NTHL1: variants seen among roughly 807,000 people sequenced by gnomAD.
NTHL1 encodes endonuclease III-like protein 1.
A neutral mutation model predicts 32.3 loss-of-function variants in NTHL1; 32 were observed. The ratio of observed to expected loss-of-function variants is 0.99; its 90% CI spans 0.75 to 1.33. The LOEUF (loss-of-function observed/expected upper bound fraction) is 1.33, where lower values mean the gene tolerates loss of function less well. NTHL1 is among the 40% of genes most tolerant of loss of function. The pLI is 0.00. For synonymous variants in NTHL1, 188 were observed against 176.9 expected (o/e 1.06, Z -0.50); for missense variants, 501 against 414.1 (o/e 1.21, Z -1.82).
intron 1 of NTHL1, among the ~76,000 whole-genome samples, 195 bp from the exon 2 acceptor site, chr16:2,046,561 T>C (rs888545715): frequency 6.6e-6 from 1 of 152,174 alleles, no homozygotes; most frequent in African/African-American, 2.4e-5. Flanking sequence ...ACAAGGTCCA[T>C]GTTAGCTCAT....
intron 1 of NTHL1, 50 bp downstream of exon 1, chr16:2,047,659 G>A (rs2084508488): frequency 1.3e-6 from 2 of 1,535,980 alleles, no homozygotes; most frequent in African/African-American, 1.4e-5. Context: ...ACTCCAGCCT[G>A]CAGCCCCTAT....
At chr16:2,047,436 A>AG (rs2084486590) in intron 1 of NTHL1, 4 of 527,862 alleles carry the variant, frequency 7.6e-6, no homozygotes, top group Admixed American at 3.5e-5. Flanking sequence ...TGGAGTGGAG[A>AG]GTCCCGGACA....
chr16:2,040,932 T>C (rs2084260680), intron 4 of NTHL1, among the ~76,000 whole-genome samples: 4 of 152,202 alleles, frequency 2.6e-5, no homozygotes, highest in Non-Finnish European at 4.4e-5. Flanking sequence ...CACCTGCCAC[T>C]GCAGCGGTCA....
rs1241018958 is a variant in NTHL1 at position 2,044,663 on chromosome 16, C to T, written c.492G>A (p.Leu164=). Reference sequence around the variant, plus strand: ...AACCGACGGGGTAGATGAGCTTGCCCAGCGTGGCATCATCTGTCTGCAGGA... The same window carrying T: ...AACCGACGGGGTAGATGAGCTTGCCTAGCGTGGCATCATCTGTCTGCAGGA... ...DSILQTDDAT[L]GKLIYPVGFW... The change falls in exon 3 of 6, where the codon CTG becomes CTA. Residue 164 remains leucine (L), a synonymous_variant. Coordinates refer to ENST00000651570, the MANE Select transcript of NTHL1 (RefSeq NM_002528.7). This position sits in a 1 kb window ranked among gnomAD's most constrained non-coding sequence, Gnocchi z 5.0. The T allele has an allele frequency of 6.2e-7, 1 of 1,609,528 alleles. No homozygotes were observed. The highest frequency in any genetic ancestry group is 1.3e-5 in the African/African-American group (1 of 74,948).
Position 2,046,694 on chromosome 16 carries a change from G to A in NTHL1, c.116-328C>T, listed in dbSNP as rs565611825. ...CCCTTTTAAAAAATCCTGGCCGGCC[G>A]GGCGCGGTGGATCAAGCCTGTAATC... On this transcript the variant is annotated intron_variant, in intron 1 of 5. Coordinates refer to ENST00000651570, the MANE Select transcript of NTHL1 (RefSeq NM_002528.7). Among the ~76,000 whole-genome samples, 11 of 152,218 alleles carry A rather than the reference G, an allele frequency of 7.2e-5. No individual in the cohort carries two copies. In the East Asian group the frequency reaches 1.5e-3, roughly 21 times the overall value.
chr16:2,041,131 C>T (rs1421909048), intron 4 of NTHL1, among the ~76,000 whole-genome samples: 1 of 152,252 alleles, frequency 6.6e-6, no homozygotes, highest in East Asian at 1.9e-4. Context: ...AAAGCCGAGG[C>T]CTGCACCAGC....
Position 2,044,541 on chromosome 16 carries a change from C to CT in NTHL1, c.525+88dup. 6.4e-7 allele frequency: 1 copy of CT among 1,557,024 alleles called. No homozygotes were observed. The highest frequency in any genetic ancestry group is 8.7e-7 in the Non-Finnish European group (1 of 1,144,998). On this transcript the variant is annotated intron_variant, in intron 3 of 5. Coordinates refer to ENST00000651570, the MANE Select transcript of NTHL1 (RefSeq NM_002528.7). The surrounding 1 kb of genome is among the most constrained non-coding windows in gnomAD (Gnocchi z 5.0). ...CCGAGCCTGAGATGCTTGACCCTCA[C>CT]TTCCTGCACCGTCGCCACCCCCCTC...
Position 2,040,038 on chromosome 16 carries a change from C to T in NTHL1, c.801G>A (p.Trp267Ter). Residue 267 changes from tryptophan (W) to a stop codon, truncating the protein, a stop_gained, in exon 6 of 6, where the codon TGG becomes TGA. Transcript: ENST00000651570. LOFTEE classifies it high-confidence loss of function. ...ALEEWLPRELWHEINGLLVGF... is the reference protein window; with the variant it reads ...ALEEWLPREL Reference sequence around the variant, plus strand: ...CCACCAAGAGTCCATTGATCTCGTGCCACAGCTCCCTGTGGGGGTGGGGGC... The same window carrying T: ...CCACCAAGAGTCCATTGATCTCGTGTCACAGCTCCCTGTGGGGGTGGGGGC... 1 of 1,612,388 alleles carries T rather than the reference C, an allele frequency of 6.2e-7. No homozygotes were observed. The highest frequency in any genetic ancestry group is 8.5e-7 in the Non-Finnish European group (1 of 1,180,006).
At position 2,039,945 on chromosome 16, in the gene NTHL1, G is replaced by C; in HGVS notation, c.894C>G (p.Cys298Trp). Residue 298 changes from cysteine to tryptophan, a missense_variant, in exon 6 of 6, where the codon TGC (cysteine) becomes TGG (tryptophan). Physicochemically the swap from Cys to Trp is radical, Grantham distance 215. Transcript: ENST00000651570. ...RCHACLNQAL[C>W]PAAQGL The stretch of plus-strand genomic sequence containing the variant: ...GCCATCAGAGACCCTGGGCGGCCGG[G>C]CAGAGGGCTTGGTTGAGGCAGGCGT... 6.2e-7 allele frequency: 1 copy of C among 1,604,860 alleles called. No homozygotes were observed. The highest frequency in any genetic ancestry group is 8.5e-7 in the Non-Finnish European group (1 of 1,179,882).
At position 2,044,795 on chromosome 16, in the gene NTHL1, G is replaced by A. The variant is rs566860680; in HGVS notation, c.360C>T (p.Arg120=). 1.9e-6 allele frequency: 3 copies of A among 1,604,550 alleles called. No individual in the cohort carries two copies. Among genetic ancestry groups the A allele is most frequent in the East Asian group, 4.5e-5 (2 of 44,492 alleles). The change falls in exon 3 of 6, where the codon CGC becomes CGT. Residue 120 remains arginine, a synonymous_variant. Transcript: ENST00000651570. This position sits in a 1 kb window ranked among gnomAD's most constrained non-coding sequence, Gnocchi z 5.0. The stretch of plus-strand genomic sequence containing the variant: ...TCAGTGACAGCAGCACCTGGTACCT[G>A]CGTACCTGCTTGTGCAGTGACAGGG... ...CYDSSAPPKV[R]RYQVLLSLML...
At chr16:2,047,435 G>A (rs987069272) in intron 1 of NTHL1, 2 of 529,088 alleles carry the variant, frequency 3.8e-6, no homozygotes, top group Non-Finnish European at 6.6e-6. Context: ...CTGGAGTGGA[G>A]AGTCCCGGAC....
rs2084234109 is a variant in NTHL1 at position 2,039,829 on chromosome 16, A to G, written c.*95T>C. On this transcript the variant is annotated 3_prime_UTR_variant, in exon 6 of 6. Coordinates refer to ENST00000651570, the MANE Select transcript of NTHL1 (RefSeq NM_002528.7). Reference sequence around the variant, plus strand: ...TCAGCCAGATCCCATCTGCAAACACACCAAAGCTTTATTCAACAGGCGTGG... The same window carrying G: ...TCAGCCAGATCCCATCTGCAAACACGCCAAAGCTTTATTCAACAGGCGTGG... 1 of 1,563,066 alleles carries G rather than the reference A, an allele frequency of 6.4e-7. No individual in the cohort carries two copies. Among genetic ancestry groups the G allele is most frequent in the South Asian group, 1.1e-5 (1 of 89,460 alleles).
chr16:2,044,952 TG>T lies in NTHL1; in HGVS notation c.355-153del. The T allele has an allele frequency of 1.3e-6, 1 of 756,850 alleles. No individual in the cohort carries two copies. 46.9% of individuals were successfully genotyped at this position (756,850 alleles called of 1,614,324 possible). A position where few individuals can be genotyped will look rare whatever the true frequency, so the allele number is the denominator to read the frequency against. On this transcript the variant is annotated intron_variant, in intron 2 of 5. Coordinates refer to ENST00000651570, the MANE Select transcript of NTHL1 (RefSeq NM_002528.7). The surrounding 1 kb of genome is among the most constrained non-coding windows in gnomAD (Gnocchi z 5.0). ...CCCTGTGGGGTGGGGAGGTCTGGTT[TG>T]GGTATGTTTGGTCATCTACAACACC...
rs1008523683 is a variant in NTHL1, at chr16:2,040,118, C to A, written c.791+15G>T. 1 of 1,613,254 alleles carries A rather than the reference C, an allele frequency of 6.2e-7. No individual in the cohort carries two copies. The highest frequency in any genetic ancestry group is 8.5e-7 in the Non-Finnish European group (1 of 1,179,886). On this transcript the variant is annotated intron_variant, in intron 5 of 5. Coordinates refer to ENST00000651570, the MANE Select transcript of NTHL1 (RefSeq NM_002528.7). ...GTGAGCTCTTCTCCCTAGGAAGCCC[C>A]CCACATACTCATACCTAGGCAGCCA...
At position 2,043,585 on chromosome 16, in the gene NTHL1, C is replaced by T. The variant is rs2150941167; in HGVS notation, c.667G>A (p.Gly223Ser). 6.2e-7 allele frequency: 1 copy of T among 1,608,530 alleles called. No homozygotes were observed. The highest frequency in any genetic ancestry group is 8.5e-7 in the Non-Finnish European group (1 of 1,179,956). The change falls in exon 4 of 6, where the codon GGC becomes AGC. Residue 223 changes from glycine to serine, a missense_variant. Coordinates refer to ENST00000651570, the MANE Select transcript of NTHL1 (RefSeq NM_002528.7). The surrounding 1 kb of genome is among the most constrained non-coding windows in gnomAD (Gnocchi z 4.4). The stretch of plus-strand genomic sequence containing the variant: ...TACTCACCAATGCCTGACACAGTGC[C>T]CCAGGCCACAGCCATAGCCAGGTGT... ...MAHLAMAVAW[G>S]TVSGIAVDTH...
At position 2,044,783 on chromosome 16, in the gene NTHL1, C is replaced by T. The variant is rs748183280; in HGVS notation, c.372G>A (p.Val124=). 1.9e-6 allele frequency: 3 copies of T among 1,609,012 alleles called. No individual in the cohort carries two copies. The highest frequency in any genetic ancestry group is 1.1e-5 in the South Asian group (1 of 90,630). ...GGCTGGAGAGCATCAGTGACAGCAG[C>T]ACCTGGTACCTGCGTACCTGCTTGT... is the stretch of plus-strand genomic sequence containing the variant. ...SAPPKVRRYQ[V]LLSLMLSSQT... Residue 124 remains valine (V), a synonymous_variant, in exon 3 of 6, where the codon GTG becomes GTA. Transcript: ENST00000651570. This position sits in a 1 kb window ranked among gnomAD's most constrained non-coding sequence, Gnocchi z 5.0.
intron 4 of NTHL1, chr16:2,042,187 C>G (rs768916632): frequency 1.4e-5 from 6 of 438,036 alleles, no homozygotes; most frequent in African/African-American, 1.2e-4. Flanking sequence ...CTCTTGTGCC[C>G]GCTGCTCCCA....
Position 2,046,354 on chromosome 16 carries a change from C to G in NTHL1, c.128G>C (p.Ser43Thr). ...CCGCGGACGCTTCACGGGGCTGTGG[C>G]TTTTCCTCGCTTCTGCAAAAAGCAC... is the stretch of plus-strand genomic sequence containing the variant. ...RREAAAEARK[S>T]HSPVKRPRKA... Residue 43 changes from serine to threonine, a missense_variant, in exon 2 of 6, where the codon AGC (serine) becomes ACC (threonine). Physicochemically the swap from Ser to Thr is moderately conservative, Grantham distance 58. Transcript: ENST00000651570. 6.2e-7 allele frequency: 1 copy of G among 1,605,206 alleles called. No individual in the cohort carries two copies. The highest frequency in any genetic ancestry group is 8.5e-7 in the Non-Finnish European group (1 of 1,174,138).
intron 4 of NTHL1, among the ~76,000 whole-genome samples, chr16:2,042,670 C>G (rs1264140162): frequency 6.6e-6 from 1 of 152,128 alleles, no homozygotes; most frequent in Non-Finnish European, 1.5e-5. Context: ...GCAGCCCCAC[C>G]CCAAACCCAG....
Sources: allele counts gnomAD v4.1 joint callset (sites outside exome capture counted in the v4.1 genomes callset), GRCh38; gene constraint gnomAD v4.1.1; non-coding constraint Gnocchi (gnomAD v3.1); transcripts MANE v1.5; gene names NCBI Gene and HGNC (gene_info 2026-07-23, HGNC 2026-07-21).